The following TMEM132D variants were observed in gnomAD, a reference collection of about 807,000 sequenced individuals.
TMEM132D encodes the protein mature OL transmembrane protein.
A neutral mutation model predicts 62.3 loss-of-function variants in TMEM132D; 21 were observed. That is an observed-to-expected ratio of 0.34 (90% CI 0.24 to 0.49). The LOEUF (loss-of-function observed/expected upper bound fraction) is 0.49, where lower values mean the gene tolerates loss of function less well. Among genes scored for constraint, TMEM132D ranks in the 20% least tolerant of loss-of-function variants. TMEM132D has a pLI of 0.99. For missense variants in TMEM132D, 1,346 were observed against 1,402.8 expected, an observed-to-expected ratio of 0.96 and a Z score of 0.65; for synonymous variants, 621 against 575.6, an observed-to-expected ratio of 1.08 and a Z score of -1.13.
At position 129,437,328 on chromosome 12, in the gene TMEM132D, C is replaced by T. The variant is rs190292702; in HGVS notation, c.1115+93731G>A. ...ATACTCCCAGGGAGCAGAGCCCTTG[C>T]ACCTTCCCCCAAACAGCTCCATGAC... On this transcript the variant is annotated intron_variant, in intron 3 of 8. Coordinates refer to ENST00000422113, the MANE Select transcript of TMEM132D (RefSeq NM_133448.3). Among the ~76,000 whole-genome samples the T allele has an allele frequency of 2.0e-5, 3 of 152,278 alleles. No homozygotes were observed. The East Asian group carries it at 5.8e-4, about 29-fold the overall frequency.
At chr12:129,616,895 A>C (rs1487043039) in intron 2 of TMEM132D, among the ~76,000 whole-genome samples, 1 of 152,222 alleles carries the variant, frequency 6.6e-6, no homozygotes, top group Non-Finnish European at 1.5e-5. Context: ...AAGCTGATGT[A>C]AGGAGGCTGA....
intron 1 of TMEM132D, among the ~76,000 whole-genome samples, chr12:129,864,704 T>G (rs1197349853): frequency 6.6e-6 from 1 of 152,198 alleles, no homozygotes; most frequent in African/African-American, 2.4e-5. Context: ...ATTCTGACAT[T>G]CTTACTTGTT....
At chr12:129,860,515 A>C (rs1873858413) in intron 1 of TMEM132D, among the ~76,000 whole-genome samples, 1 of 152,240 alleles carries the variant, frequency 6.6e-6, no homozygotes, top group Admixed American at 6.5e-5. Context: ...CAAACTTCTC[A>C]ATCTCTTAAA....
intron 2 of TMEM132D, among the ~76,000 whole-genome samples, chr12:129,553,587 A>G (rs1472784813): frequency 6.6e-6 from 1 of 152,184 alleles, no homozygotes; most frequent in Non-Finnish European, 1.5e-5. Flanking sequence ...GCCCATTTCC[A>G]TGGTGTAAAT....
At chr12:129,535,573 A>T (rs992521097) in intron 2 of TMEM132D, among the ~76,000 whole-genome samples, 1 of 152,226 alleles carries the variant, frequency 6.6e-6, no homozygotes, top group African/African-American at 2.4e-5. Flanking sequence ...CTACTTACGC[A>T]ATCTTGTCAG....
At chr12:129,506,648 C>G (rs574230090) in intron 3 of TMEM132D, among the ~76,000 whole-genome samples, 1 of 152,258 alleles carries the variant, frequency 6.6e-6, no homozygotes, top group Non-Finnish European at 1.5e-5. Context: ...GGATAACTGG[C>G]AAGCCACATG....
chr12:129,892,873 CTG>C (rs1874975808), intron 1 of TMEM132D, among the ~76,000 whole-genome samples: 1 of 151,864 alleles, frequency 6.6e-6, no homozygotes, highest in Non-Finnish European at 1.5e-5. Context: ...TTTAAGGACT[CTG>C]TTTGTTTGTT....
At chr12:129,746,747 A>T (rs1242341572) in intron 1 of TMEM132D, among the ~76,000 whole-genome samples, 5 of 152,066 alleles carry the variant, frequency 3.3e-5, no homozygotes, top group African/African-American at 9.7e-5. Flanking sequence ...AGTGTCACGG[A>T]AGAGACACTC....
chr12:129,862,981 C>A (rs968871981), intron 1 of TMEM132D, among the ~76,000 whole-genome samples: 12 of 152,102 alleles, frequency 7.9e-5, no homozygotes, highest in African/African-American at 2.9e-4. Context: ...CCTTCCTCAG[C>A]GAGGGAGGGA....
chr12:129,438,243 T>C (rs1365401382), intron 3 of TMEM132D, among the ~76,000 whole-genome samples: 1 of 152,202 alleles, frequency 6.6e-6, no homozygotes, highest in Non-Finnish European at 1.5e-5. Flanking sequence ...TTATCATCCT[T>C]TGGGTATATA....
At chr12:129,362,875 G>T (rs1034628417) in intron 3 of TMEM132D, among the ~76,000 whole-genome samples, 1 of 152,152 alleles carries the variant, frequency 6.6e-6, no homozygotes, top group East Asian at 1.9e-4. Flanking sequence ...GATTAGAAAA[G>T]GGGTCTATCT....
intron 4 of TMEM132D, among the ~76,000 whole-genome samples, chr12:129,292,945 A>G (rs1437685341): frequency 6.6e-6 from 1 of 152,132 alleles, no homozygotes; most frequent in Non-Finnish European, 1.5e-5. Flanking sequence ...ACTAAAAGGG[A>G]GGGAGGGTAG....
chr12:129,361,861 T>C (rs1435721356), intron 3 of TMEM132D, among the ~76,000 whole-genome samples: 1 of 152,198 alleles, frequency 6.6e-6, no homozygotes, highest in East Asian at 1.9e-4. Context: ...TCAACAAGGA[T>C]GATGACAAAT....
intron 1 of TMEM132D, among the ~76,000 whole-genome samples, chr12:129,828,782 AGGAG>A (rs1317969276): frequency 1.4e-4 from 6 of 43,500 alleles, no homozygotes; most frequent in Admixed American, 1.1e-3. Flanking sequence ...GAGGAAGAAA[AGGAG>A]GGAGGGAGGG....
intron 3 of TMEM132D, among the ~76,000 whole-genome samples, chr12:129,339,693 T>C (rs1331687750): frequency 6.6e-6 from 1 of 152,204 alleles, no homozygotes; most frequent in Non-Finnish European, 1.5e-5. Context: ...CCTTCGTTTT[T>C]GTATTCGAAC....
chr12:129,783,646 G>T (rs1284975951), intron 1 of TMEM132D, among the ~76,000 whole-genome samples: 2 of 152,178 alleles, frequency 1.3e-5, no homozygotes, highest in South Asian at 2.1e-4. Context: ...TGTTTCCATT[G>T]GAACCAAATG....
intron 5 of TMEM132D, among the ~76,000 whole-genome samples, chr12:129,143,956 C>T (rs1317241731): frequency 6.6e-6 from 1 of 152,102 alleles, no homozygotes; most frequent in Admixed American, 6.5e-5. Flanking sequence ...AGAGGAAATT[C>T]CCTGGACCAT....
At chr12:129,175,797 T>G (rs1484362214) in intron 5 of TMEM132D, among the ~76,000 whole-genome samples, 1 of 152,260 alleles carries the variant, frequency 6.6e-6, no homozygotes. Flanking sequence ...GCAATGGTAC[T>G]TTGTCCATCT....
At chr12:129,241,198 A>G (rs1879929481) in intron 4 of TMEM132D, among the ~76,000 whole-genome samples, 2 of 151,646 alleles carry the variant, frequency 1.3e-5, no homozygotes, top group Non-Finnish European at 2.9e-5. Flanking sequence ...AAAACAACCA[A>G]CTTTCCAATC....
Sources: allele counts gnomAD v4.1 joint callset (sites outside exome capture counted in the v4.1 genomes callset), GRCh38; gene constraint gnomAD v4.1.1; transcripts MANE v1.5; gene names NCBI Gene and HGNC (gene_info 2026-07-23, HGNC 2026-07-21).